The following SOX5 variants were observed in gnomAD, a reference collection of about 807,000 sequenced individuals.
SOX5 encodes the protein transcription factor SOX-5.
In SOX5, 9 loss-of-function variants were observed where a neutral mutation model predicts 92.0. That is an observed-to-expected ratio of 0.10 (90% CI 0.06 to 0.17). The LOEUF (loss-of-function observed/expected upper bound fraction) is 0.17, where lower values mean the gene tolerates loss of function less well. SOX5 is among the 10% of genes least tolerant of loss of function. The pLI, the probability that SOX5 is intolerant of heterozygous loss-of-function variation, is 1.00. For missense variants in SOX5, 642 were observed against 944.5 expected (o/e 0.68, Z 4.20); for synonymous variants, 344 against 336.3 (o/e 1.02, Z -0.25).
Position 23,886,934 on chromosome 12 carries a change from G to T in SOX5, c.270+8859C>A, listed in dbSNP as rs137868664. Reference sequence around the variant, plus strand: ...AACATAATTTGGGAAACAATACAGGGTTTCAAGTGTTGTTTAGCTAAGTAC... The same window carrying T: ...AACATAATTTGGGAAACAATACAGGTTTTCAAGTGTTGTTTAGCTAAGTAC... On this transcript the variant is annotated intron_variant, in intron 2 of 14. Transcript: ENST00000451604. Among the ~76,000 whole-genome samples, 302 of 152,184 alleles carry T rather than the reference G, an allele frequency of 2.0e-3. 7 individuals are homozygous for T. In the East Asian group the frequency reaches 0.052, roughly 26 times the overall value.
In SOX5 at chr12:24,506,946, G is replaced by T. The variant is rs11047482; in HGVS notation, c.-251+55383C>A. On this transcript the variant is annotated intron_variant, in intron 1 of 4. Transcript: ENST00000446891. ...GCTGGGACTACAGGCGCCCGCCACT[G>T]CACCCGGCTAATTTTTTGTATTTTT... Among the ~76,000 whole-genome samples the T allele has an allele frequency of 3.3e-5, 5 of 151,574 alleles. No homozygotes were observed. In the South Asian group the frequency reaches 1.0e-3, roughly 32 times the overall value.
At chr12:24,523,217 T>G (rs1231401425) in intron 1 of SOX5, among the ~76,000 whole-genome samples, 1 of 152,090 alleles carries the variant, frequency 6.6e-6, no homozygotes, top group Non-Finnish European at 1.5e-5. Context: ...CTGAAAACTA[T>G]AAAACATTGG....
intron 9 of SOX5, among the ~76,000 whole-genome samples, chr12:23,587,873 G>A (rs1053916620): frequency 2.0e-5 from 3 of 152,014 alleles, no homozygotes; most frequent in Admixed American, 6.6e-5. Flanking sequence ...CCCACTTACT[G>A]GCTCGGCCAA....
chr12:23,722,747 T>C (rs1461535350), intron 6 of SOX5, among the ~76,000 whole-genome samples: 4 of 152,186 alleles, frequency 2.6e-5, no homozygotes, highest in South Asian at 4.1e-4. Context: ...ATTTTGAACA[T>C]GCCAAAGCAT....
intron 1 of SOX5, among the ~76,000 whole-genome samples, chr12:24,422,144 T>G (rs1448123376): frequency 9.2e-5 from 14 of 152,224 alleles, no homozygotes; most frequent in Non-Finnish European, 7.3e-5. Flanking sequence ...AAATGCTTAT[T>G]GTTCTTAATG....
intron 4 of SOX5, among the ~76,000 whole-genome samples, chr12:23,973,753 C>T (rs780236855): frequency 3.9e-5 from 6 of 152,126 alleles, no homozygotes; most frequent in Non-Finnish European, 8.8e-5. Context: ...GAGCGGCAAA[C>T]GAGTGAGCAT....
rs2095383888 is a variant in SOX5 at position 23,786,596 on chromosome 12, G to C, written c.482-30872C>G. Among the ~76,000 whole-genome samples the C allele has an allele frequency of 1.8e-5, 2 of 109,970 alleles. 1 individual carries two copies. The highest frequency in any genetic ancestry group is 4.1e-5 in the Non-Finnish European group (2 of 48,366). 72.1% of individuals were successfully genotyped at this position (109,970 alleles called of 152,430 possible). A position where few individuals can be genotyped will look rare whatever the true frequency, so the allele number is the denominator to read the frequency against. ...TAGAAATCATAGTGCTTTTGTAGGA[G>C]ATCAGTGTTCCTACTGTATCAATCA... On this transcript the variant is annotated intron_variant, in intron 3 of 14. Coordinates refer to ENST00000451604, the MANE Select transcript of SOX5 (RefSeq NM_006940.6).
intron 2 of SOX5, among the ~76,000 whole-genome samples, chr12:23,886,845 G>T (rs1445299240): frequency 6.6e-6 from 1 of 152,102 alleles, no homozygotes; most frequent in African/African-American, 2.4e-5. Context: ...GGCACATAAA[G>T]AACACCAGTA....
intron 3 of SOX5, among the ~76,000 whole-genome samples, chr12:23,782,465 A>C (rs34199258): frequency 6.6e-6 from 1 of 152,100 alleles, no homozygotes; most frequent in Non-Finnish European, 1.5e-5. Context: ...TAACGTATCC[A>C]AAAAGTCAGG....
intron 4 of SOX5, among the ~76,000 whole-genome samples, chr12:23,996,751 T>A (rs1389260771): frequency 2.0e-5 from 3 of 152,204 alleles, no homozygotes; most frequent in Non-Finnish European, 4.4e-5. Flanking sequence ...TGATTCTATT[T>A]ATATGAAATA....
intron 4 of SOX5, among the ~76,000 whole-genome samples, chr12:24,067,794 C>T (rs1452144240): frequency 1.3e-5 from 2 of 152,062 alleles, no homozygotes; most frequent in Non-Finnish European, 2.9e-5. Flanking sequence ...AGTAGAAAAA[C>T]AAGAAGGTGA....
At chr12:23,741,186 G>T in intron 4 of SOX5, 147 bp from the exon 5 acceptor site, 1 of 550,190 alleles carries the variant, frequency 1.8e-6, no homozygotes, top group Non-Finnish European at 2.9e-6. Flanking sequence ...ACATTTTCAC[G>T]CAACAGTAAA....
chr12:23,770,209 G>T (rs2094885167), intron 3 of SOX5, among the ~76,000 whole-genome samples: 1 of 150,846 alleles, frequency 6.6e-6, no homozygotes, highest in Non-Finnish European at 1.5e-5. Context: ...CTTCCCTCCT[G>T]CCAGACCACC....
chr12:23,738,719 C>A (rs1333323715), intron 5 of SOX5, among the ~76,000 whole-genome samples: 2 of 152,148 alleles, frequency 1.3e-5, no homozygotes, highest in Admixed American at 1.3e-4. Context: ...CCCACCAAAG[C>A]AAATAGGGGT....
intron 1 of SOX5, among the ~76,000 whole-genome samples, chr12:24,497,281 A>AT (rs1418950706): frequency 3.0e-4 from 45 of 152,186 alleles, no homozygotes; most frequent in African/African-American, 1.0e-3. Context: ...AAAAGCAGAA[A>AT]TTTTTGTTTG....
At chr12:24,354,692 A>G (rs933486267) in intron 2 of SOX5, among the ~76,000 whole-genome samples, 1 of 152,216 alleles carries the variant, frequency 6.6e-6, no homozygotes, top group African/African-American at 2.4e-5. Flanking sequence ...TCAAAGATAA[A>G]TGATAGGAAA....
intron 1 of SOX5, among the ~76,000 whole-genome samples, chr12:23,913,741 G>GAAAA (rs765548695): frequency 1.0e-4 from 6 of 58,024 alleles, no homozygotes; most frequent in Admixed American, 2.0e-4. Flanking sequence ...TGTCTCAGAA[G>GAAAA]AAAAAAAAAA....
At chr12:24,353,100 C>T (rs946132813) in intron 2 of SOX5, among the ~76,000 whole-genome samples, 7 of 152,176 alleles carry the variant, frequency 4.6e-5, no homozygotes, top group African/African-American at 1.7e-4. Context: ...ATATGATATA[C>T]TTAAGGTGCA....
At chr12:23,716,298 A>T (rs987781566) in intron 6 of SOX5, among the ~76,000 whole-genome samples, 1 of 152,226 alleles carries the variant, frequency 6.6e-6, no homozygotes, top group Non-Finnish European at 1.5e-5. Flanking sequence ...AAAGAAAAAA[A>T]GAGAACTTTG....
Sources: allele counts gnomAD v4.1 joint callset (sites outside exome capture counted in the v4.1 genomes callset), GRCh38; gene constraint gnomAD v4.1.1; transcripts MANE v1.5; gene names NCBI Gene and HGNC (gene_info 2026-07-23, HGNC 2026-07-21).